ASTN2: variants seen among roughly 807,000 people sequenced by gnomAD.
ASTN2 encodes astrotactin-2.
Under a neutral mutation model 139.8 loss-of-function variants are expected in ASTN2, and 54 were observed. That is an observed-to-expected ratio of 0.39 (90% CI 0.31 to 0.48). The LOEUF (loss-of-function observed/expected upper bound fraction) is 0.48, where lower values mean the gene tolerates loss of function less well. ASTN2 is among the 20% of genes least tolerant of loss of function. The pLI, the probability that ASTN2 is intolerant of heterozygous loss-of-function variation, is 0.95. For synonymous variants in ASTN2, 756 were observed against 719.5 expected, an observed-to-expected ratio of 1.05 and a Z score of -0.81; for missense variants, 1,565 against 1,725.1, an observed-to-expected ratio of 0.91 and a Z score of 1.64.
intron 3 of ASTN2, among the ~76,000 whole-genome samples, chr9:117,142,791 T>C (rs1830105515): frequency 6.6e-6 from 1 of 152,180 alleles, no homozygotes; most frequent in Non-Finnish European, 1.5e-5. Flanking sequence ...CTGAATAGCC[T>C]CAGTGCCTTT....
chr9:117,130,668 G>A (rs1176166518), intron 4 of ASTN2, among the ~76,000 whole-genome samples: 1 of 152,144 alleles, frequency 6.6e-6, no homozygotes, highest in African/African-American at 2.4e-5. Context: ...TGTTAGCTTT[G>A]TCAGCCATAT....
intron 2 of ASTN2, among the ~76,000 whole-genome samples, chr9:117,260,462 G>A (rs1027416123): frequency 1.3e-5 from 2 of 152,060 alleles, no homozygotes; most frequent in African/African-American, 4.8e-5. Context: ...TCACTTCCTG[G>A]TAACAAACTT....
chr9:116,864,039 T>A (rs2132341792), intron 10 of ASTN2, among the ~76,000 whole-genome samples: 1 of 152,274 alleles, frequency 6.6e-6, no homozygotes, highest in South Asian at 2.1e-4. Flanking sequence ...CAAGGTGAAG[T>A]ATCTTGCTGA....
chr9:116,975,722 G>A (rs555812532), intron 9 of ASTN2, among the ~76,000 whole-genome samples: 4 of 152,184 alleles, frequency 2.6e-5, no homozygotes, highest in Non-Finnish European at 4.4e-5. Context: ...CTTTGAATCA[G>A]TTTGAACTAA....
At chr9:116,720,101 C>G (rs963255708) in intron 16 of ASTN2, among the ~76,000 whole-genome samples, 1 of 152,152 alleles carries the variant, frequency 6.6e-6, no homozygotes, top group African/African-American at 2.4e-5. Context: ...GAAAAGGCGA[C>G]AGTTGAATAA....
chr9:116,630,284 A>G (rs1856683076), intron 17 of ASTN2, among the ~76,000 whole-genome samples: 1 of 152,188 alleles, frequency 6.6e-6, no homozygotes, highest in South Asian at 2.1e-4. Context: ...TCCAAAGCCT[A>G]AATGCTTAAC....
chr9:117,128,776 T>A (rs979374360), intron 4 of ASTN2, among the ~76,000 whole-genome samples: 2 of 152,224 alleles, frequency 1.3e-5, no homozygotes, highest in Non-Finnish European at 2.9e-5. Flanking sequence ...TTAATTGAAC[T>A]TACAGTTCCA....
chr9:116,605,083 C>T (rs892541528), intron 19 of ASTN2, among the ~76,000 whole-genome samples: 3 of 151,062 alleles, frequency 2.0e-5, no homozygotes, highest in East Asian at 1.9e-4. Context: ...GAAGCCGACA[C>T]ACATAAAGGT....
At chr9:116,840,466 C>A (rs111881855) in intron 11 of ASTN2, among the ~76,000 whole-genome samples, 664 of 114,804 alleles carry the variant, frequency 5.8e-3, no homozygotes, top group Middle Eastern at 0.027. Flanking sequence ...GGCAGAGGCG[C>A]CCCTCACCTC....
At chr9:117,308,462 G>T (rs758648991) in intron 1 of ASTN2, among the ~76,000 whole-genome samples, 1 of 152,162 alleles carries the variant, frequency 6.6e-6, no homozygotes, top group Non-Finnish European at 1.5e-5. Context: ...GAGCACATCT[G>T]CTTGCCTCAA....
intron 1 of ASTN2, among the ~76,000 whole-genome samples, chr9:117,392,905 C>G (rs1830579376): frequency 6.6e-6 from 1 of 152,172 alleles, no homozygotes; most frequent in African/African-American, 2.4e-5. Flanking sequence ...AGGTCTCTAC[C>G]AGCTGCTCTC....
chr9:117,042,681 G>A (rs1838614910), intron 5 of ASTN2, among the ~76,000 whole-genome samples: 2 of 151,766 alleles, frequency 1.3e-5, no homozygotes, highest in Admixed American at 1.3e-4. Flanking sequence ...AAATCTTTTA[G>A]CAACTAAATA....
chr9:116,552,473 T>C lies in ASTN2; in HGVS notation c.3356-64973A>G, dbSNP rs116513285. Among the ~76,000 whole-genome samples, 304 of 152,308 alleles carry C rather than the reference T, an allele frequency of 2.0e-3. 1 individual carries two copies. Among genetic ancestry groups the C allele is most frequent in the African/African-American group, 7.0e-3 (292 of 41,562 alleles). ...GGAACTTAGTAGGCTCAAGCTCTCA[T>C]CCACTAGAATTTGCCTCTCTCAGTG... On this transcript the variant is annotated intron_variant, in intron 19 of 22. Coordinates refer to ENST00000313400, the MANE Select transcript of ASTN2 (RefSeq NM_001365068.1).
Position 117,121,785 on chromosome 9 carries a change from C to T in ASTN2, c.1168+19541G>A, listed in dbSNP as rs139220060. On this transcript the variant is annotated intron_variant, in intron 4 of 22. Coordinates refer to ENST00000313400, the MANE Select transcript of ASTN2 (RefSeq NM_001365068.1). The stretch of plus-strand genomic sequence containing the variant: ...ATCTGGGGAAGCCACAGGAAACTTA[C>T]AATCATGGCAGAAGCCGATGGGGAA... Among the ~76,000 whole-genome samples, 24 of 152,312 alleles carry T rather than the reference C, an allele frequency of 1.6e-4. No individual in the cohort carries two copies. In the East Asian group the frequency reaches 4.2e-3, roughly 27 times the overall value.
chr9:117,124,277 G>A (rs1829631507), intron 4 of ASTN2, among the ~76,000 whole-genome samples: 1 of 152,050 alleles, frequency 6.6e-6, no homozygotes, highest in Non-Finnish European at 1.5e-5. Context: ...TTTCTCATTT[G>A]TGTTATGGGA....
chr9:116,797,268 T>C (rs929202254), intron 13 of ASTN2, among the ~76,000 whole-genome samples: 1 of 152,234 alleles, frequency 6.6e-6, no homozygotes, highest in Non-Finnish European at 1.5e-5. Context: ...ATGTCAATTA[T>C]ACTTTAATAA....
chr9:117,355,513 C>T (rs1288099439), intron 1 of ASTN2, among the ~76,000 whole-genome samples: 1 of 152,142 alleles, frequency 6.6e-6, no homozygotes, highest in African/African-American at 2.4e-5. Context: ...ATGTAATGTA[C>T]TGAGCTAGTG....
At chr9:117,041,135 G>A (rs111631056) in intron 5 of ASTN2, among the ~76,000 whole-genome samples, 81 of 152,238 alleles carry the variant, frequency 5.3e-4, no homozygotes, top group African/African-American at 1.9e-3. Context: ...ACAGCTAGAC[G>A]ACACTGGGCC....
chr9:116,515,585 A>G lies in ASTN2; in HGVS notation c.3356-28085T>C, dbSNP rs1223886650. On this transcript the variant is annotated intron_variant, in intron 19 of 22. Coordinates refer to ENST00000313400, the MANE Select transcript of ASTN2 (RefSeq NM_001365068.1). ...TGAGACTCAGAGCTGGGTGCCTGATATGCCATATAGGGATACACTCTACTT... is the reference window on the plus strand; with the variant it reads ...TGAGACTCAGAGCTGGGTGCCTGATGTGCCATATAGGGATACACTCTACTT... 3.3e-5 allele frequency among the ~76,000 whole-genome samples: 5 copies of G among 152,278 alleles called. No individual in the cohort carries two copies. In the South Asian group the frequency reaches 6.2e-4, roughly 19 times the overall value.
Sources: gnomAD v4.1 joint callset for allele counts (sites outside exome capture counted in the v4.1 genomes callset) on GRCh38, gnomAD v4.1.1 for gene constraint, MANE v1.5 for transcripts, NCBI Gene and HGNC (gene_info 2026-07-23, HGNC 2026-07-21) for gene names.